RAB40C: variants seen among roughly 807,000 people sequenced by gnomAD.
The protein encoded by RAB40C is RAB40C, member RAS oncogene family, also known as ras-related protein Rab-40C.
Under a neutral mutation model 28.1 loss-of-function variants are expected in RAB40C, and 8 were observed. That is an observed-to-expected ratio of 0.28 (90% confidence interval 0.17 to 0.51). The LOEUF (loss-of-function observed/expected upper bound fraction) is 0.51, where lower values mean the gene tolerates loss of function less well. Among genes scored for constraint, RAB40C ranks in the 20% least tolerant of loss-of-function variants. The pLI is 0.97. For missense variants in RAB40C, 288 were observed against 405.9 expected (o/e 0.71, Z 2.50); for synonymous variants, 201 against 171.7 (o/e 1.17, Z -1.34).
At chr16:590,520 C>G in intron 1 of RAB40C, 87 bp downstream of exon 1, 1 of 1,365,914 alleles carries the variant, frequency 7.3e-7, no homozygotes, top group Non-Finnish European at 9.5e-7. Flanking sequence ...CCGGCCCTTC[C>G]AAGCGCCGCC....
rs758591668 is a variant in RAB40C, at chr16:625,381, G to T, written c.265-51G>T. On this transcript the variant is annotated intron_variant, in intron 3 of 5. Transcript: ENST00000248139. The stretch of plus-strand genomic sequence containing the variant: ...TGCACCTGAGCGTCCCTGGGCCTGG[G>T]CTGGCCATGCGTGTCAGTGACCCCT... 3 of 1,594,450 alleles carry T rather than the reference G, an allele frequency of 1.9e-6. No individual in the cohort carries two copies. In the Admixed American group the frequency reaches 5.0e-5, roughly 27 times the overall value.
At chr16:601,815 T>TAAAA (rs60094426) in intron 1 of RAB40C, among the ~76,000 whole-genome samples, 456 of 27,200 alleles carry the variant, frequency 0.017, 24 homozygotes, top group Middle Eastern at 0.056. Flanking sequence ...CAAAAAAAAG[T>TAAAA]AAAAAAAAAA....
At chr16:609,940 C>T (rs1167433426) in intron 1 of RAB40C, among the ~76,000 whole-genome samples, 2 of 152,146 alleles carry the variant, frequency 1.3e-5, no homozygotes, top group African/African-American at 2.4e-5. Context: ...AAAAGACCAC[C>T]CAGAGCAATG....
chr16:591,787 G>A (rs2036004779), intron 1 of RAB40C, among the ~76,000 whole-genome samples: 2 of 152,048 alleles, frequency 1.3e-5, no homozygotes, highest in Admixed American at 1.3e-4. Flanking sequence ...AGTAGAGACG[G>A]GGTTTCAGCA....
At chr16:594,771 A>C (rs189135848) in intron 1 of RAB40C, among the ~76,000 whole-genome samples, 414 of 150,866 alleles carry the variant, frequency 2.7e-3, no homozygotes, top group Non-Finnish European at 3.4e-3. Flanking sequence ...ACTGCAGCCC[A>C]GAGTCCCTTC....
chr16:603,699 A>T (rs770551364), intron 1 of RAB40C, among the ~76,000 whole-genome samples: 1 of 152,126 alleles, frequency 6.6e-6, no homozygotes, highest in Non-Finnish European at 1.5e-5. Flanking sequence ...ATATGTACCT[A>T]TGCAGCCAGT....
chr16:597,328 A>G (rs918461670), intron 1 of RAB40C, among the ~76,000 whole-genome samples: 15 of 152,068 alleles, frequency 9.9e-5, no homozygotes, highest in Admixed American at 7.9e-4. Flanking sequence ...GCCCCTGAGC[A>G]GCCTTCGCCG....
At chr16:609,134 G>A (rs1467824110) in intron 1 of RAB40C, among the ~76,000 whole-genome samples, 4 of 152,090 alleles carry the variant, frequency 2.6e-5, no homozygotes, top group Admixed American at 6.6e-5. Flanking sequence ...AAATAAAAAC[G>A]TGGACTGATA....
intron 3 of RAB40C, among the ~76,000 whole-genome samples, chr16:619,058 TGTA>T (rs1372172257): frequency 8.0e-6 from 1 of 124,420 alleles, no homozygotes; most frequent in Non-Finnish European, 1.7e-5. Flanking sequence ...TGTGCACAGG[TGTA>T]GTGGGTGCAC....
chr16:623,379 G>C (rs1321055061), intron 3 of RAB40C, among the ~76,000 whole-genome samples: 1 of 152,190 alleles, frequency 6.6e-6, no homozygotes, highest in Non-Finnish European at 1.5e-5. Flanking sequence ...GCCGGGCGCG[G>C]TGGCTCACGC....
chr16:621,778 C>T (rs750308533), intron 3 of RAB40C, among the ~76,000 whole-genome samples: 51 of 152,252 alleles, frequency 3.3e-4, no homozygotes, highest in East Asian at 9.6e-4. Context: ...TTGGGGTCAG[C>T]GGGCTTAGTG....
chr16:607,745 C>A (rs537234880), intron 1 of RAB40C, among the ~76,000 whole-genome samples: 1 of 152,068 alleles, frequency 6.6e-6, no homozygotes, highest in African/African-American at 2.4e-5. Context: ...GAGCCGAGAT[C>A]GCGCCACTGC....
chr16:617,208 G>A lies in RAB40C; in HGVS notation c.143G>A (p.Gly48Glu), dbSNP rs1382152924. 3.1e-6 allele frequency: 5 copies of A among 1,613,850 alleles called. No individual in the cohort carries two copies. Among genetic ancestry groups the A allele is most frequent in the South Asian group, 2.2e-5 (2 of 91,074 alleles). Reference sequence around the variant, plus strand: ...CTCAGCGCCCTGTGCTTCCTCGCAGGGATCGACTACAAGACCACCACCATC... The same window carrying A: ...CTCAGCGCCCTGTGCTTCCTCGCAGAGATCGACTACAAGACCACCACCATC... The part of the protein sequence containing the change: ...AAESPYAYSN[G>E]IDYKTTTILL... The change falls in exon 2 of 6, where the codon GGG (glycine) becomes GAG (glutamate). Residue 48 changes from glycine to glutamate, a missense_variant and splice_region_variant. Around this residue, in one of 3 missense-constraint regions of RAB40C, gnomAD observed 78 missense variants for 88.2 expected, o/e 0.88. Coordinates refer to ENST00000248139, the MANE Select transcript of RAB40C (RefSeq NM_021168.5).
At chr16:593,555 C>T (rs71378522) in intron 1 of RAB40C, among the ~76,000 whole-genome samples, 2 of 152,242 alleles carry the variant, frequency 1.3e-5, no homozygotes, top group African/African-American at 2.4e-5. Context: ...CAGCTCACAC[C>T]GGATCGCTTA....
intron 1 of RAB40C, among the ~76,000 whole-genome samples, chr16:598,337 C>T (rs2036176409): frequency 6.6e-6 from 1 of 150,814 alleles, no homozygotes; most frequent in African/African-American, 2.4e-5. Flanking sequence ...GAGATCACGC[C>T]ACTGACTCCA....
At chr16:625,209 G>A (rs1377179319) in intron 3 of RAB40C, 3 of 1,428,500 alleles carry the variant, frequency 2.1e-6, no homozygotes, top group Non-Finnish European at 2.8e-6. Flanking sequence ...TGACACCATG[G>A]AAGGCGCCCA....
Position 627,433 on chromosome 16 carries a change from G to A in RAB40C, c.657G>A (p.Lys219=). The part of the protein sequence containing the change: ...IDKLPLPVTI[K]SHLKSFSMAN... ...AGCTTCCACTGCCCGTCACCATCAA[G>A]AGCCACCTCAAGTCCTTCTCGATGG... Residue 219 remains lysine, a synonymous_variant, in exon 6 of 6, where the codon AAG becomes AAA. Transcript: ENST00000248139. 3 of 1,613,992 alleles carry A rather than the reference G, an allele frequency of 1.9e-6. No individual in the cohort carries two copies. The South Asian group carries it at 3.3e-5, about 18-fold the overall frequency.
At position 595,969 on chromosome 16, in the gene RAB40C, A is replaced by G. The variant is rs146948578; in HGVS notation, c.142+5536A>G. 2.9e-3 allele frequency among the ~76,000 whole-genome samples: 449 copies of G among 152,360 alleles called. 11 individuals are homozygous for G. The highest frequency in any genetic ancestry group is 0.023 in the Admixed American group (345 of 15,312). ...TAAATTTTCAGGAAACTGTTGAGTC[A>G]GTAGGTAGAATATTGAATGTTAAGT... On this transcript the variant is annotated intron_variant, in intron 1 of 5. Coordinates refer to ENST00000248139, the MANE Select transcript of RAB40C (RefSeq NM_021168.5).
At chr16:593,390 T>C (rs1030079929) in intron 1 of RAB40C, among the ~76,000 whole-genome samples, 1 of 152,266 alleles carries the variant, frequency 6.6e-6, no homozygotes, top group African/African-American at 2.4e-5. Flanking sequence ...GACGTACGTG[T>C]TAACCTCCAT....
Sources: allele counts gnomAD v4.1 joint callset (sites outside exome capture counted in the v4.1 genomes callset), GRCh38; gene constraint gnomAD v4.1.1; regional missense constraint gnomAD v4.1.1; transcripts MANE v1.5; gene names NCBI Gene and HGNC (gene_info 2026-07-23, HGNC 2026-07-21).